TTN: variants seen among roughly 807,000 people sequenced by gnomAD.
The protein encoded by TTN is connectin.
Under a neutral mutation model 3,223.0 loss-of-function variants are expected in TTN, and 1,525 were observed. The observed-to-expected ratio is 0.47, with a 90% CI of 0.45 to 0.49. The LOEUF (loss-of-function observed/expected upper bound fraction) is 0.49. Ranked by LOEUF, TTN falls within the 20% of genes least tolerant of loss-of-function variation. The pLI is 0.00. For missense variants in TTN, 40,786 were observed against 43,424.0 expected (o/e 0.94, Z 5.40); for synonymous variants, 14,094 against 15,161.0 (o/e 0.93, Z 5.17).
rs1560793812 is a variant in TTN at position 178,731,029 on chromosome 2, A to T, written c.17636T>A (p.Ile5879Lys). The stretch of plus-strand genomic sequence containing the variant: ...CTTTTCTGTAGAAATAATCTTCAGT[A>T]TTGAGACTGTATCAGTGACACTGAT... The part of the protein sequence containing the change: ...YKISVTDTVS[I>K]LKIISTEKKD... The change falls in exon 60 of 363, where the codon ATA becomes AAA. Residue 5879 changes from isoleucine to lysine, a missense_variant. Transcript: ENST00000589042. The T allele has an allele frequency of 6.2e-7, 1 of 1,613,662 alleles. No individual in the cohort carries two copies. Among genetic ancestry groups the T allele is most frequent in the South Asian group, 1.1e-5 (1 of 91,074 alleles).
chr2:178,694,958 C>A lies in TTN; in HGVS notation c.31271-52G>T, dbSNP rs576328576. ...TACTTTTAGAATTCCTATTAAAATT[C>A]TCTCTCTCTCTATCTCTCTCTCTCT... On this transcript the variant is annotated intron_variant, in intron 115 of 362. Transcript: ENST00000589042. The A allele has an allele frequency of 3.3e-5, 41 of 1,236,330 alleles. No homozygotes were observed. In the South Asian group the frequency reaches 4.0e-4, roughly 12 times the overall value. 76.6% of individuals were successfully genotyped at this position (1,236,330 alleles called of 1,614,324 possible). A position where few individuals can be genotyped will look rare whatever the true frequency, so the allele number is the denominator to read the frequency against.
chr2:178,615,898 G>T, intron 257 of TTN, 110 bp from the exon 258 acceptor site: 1 of 1,192,874 alleles, frequency 8.4e-7, no homozygotes. Context: ...TGAATGCTAG[G>T]GATTATTCTT....
Position 178,562,101 on chromosome 2 carries a change from C to G in TTN, c.84031G>C (p.Val28011Leu). 2 of 1,613,310 alleles carry G rather than the reference C, an allele frequency of 1.2e-6. No homozygotes were observed. Among genetic ancestry groups the G allele is most frequent in the South Asian group, 1.1e-5 (1 of 91,036 alleles). ...QTLKETTRVN[V>L]SSSKTVTSLS... ...GATGTTACAGTCTTTGAAGAAGAAA[C>G]ATTGACTCTAGTTGTCTCTTTAAGA... The change falls in exon 326 of 363, where the codon GTT (valine) becomes CTT (leucine). Residue 28011 changes from valine (V) to leucine (L), a missense_variant. Physicochemically the swap from Val to Leu is conservative, Grantham distance 32 (BLOSUM62 1). Coordinates refer to ENST00000589042, the MANE Select transcript of TTN (RefSeq NM_001267550.2).
At chr2:178,736,485 T>C (rs996175640) in intron 49 of TTN, among the ~76,000 whole-genome samples, 4 of 152,154 alleles carry the variant, frequency 2.6e-5, no homozygotes, top group Admixed American at 6.5e-5. Flanking sequence ...GATAAGAAGA[T>C]TGAAGTAGTT....
At chr2:178,646,104 TTATATATATATATATATATATATA>T (rs71023450) in intron 216 of TTN, 74 bp from the exon 217 acceptor site, 903 of 38,002 alleles carry the variant, frequency 0.024, 88 homozygotes, top group African/African-American at 0.068. Context: ...TTAATAGAAA[TTATATATATATATATATATATATA>T]TATATATATA....
In TTN at chr2:178,740,708, C is replaced by T. The variant is rs2082339506; in HGVS notation, c.12525G>A (p.Gln4175=). 6.2e-7 allele frequency: 1 copy of T among 1,613,708 alleles called. No individual in the cohort carries two copies. Among genetic ancestry groups the T allele is most frequent in the African/African-American group, 1.3e-5 (1 of 74,910 alleles). The change falls in exon 48 of 363, where the codon CAG becomes CAA. Residue 4175 remains glutamine (Q), a synonymous_variant. Coordinates refer to ENST00000589042, the MANE Select transcript of TTN (RefSeq NM_001267550.2). ...TTTTCTCGGTATCTGATAGAACTGC[C>T]TGTGTCTCAGGCTCTTCAGGCATTA... ...GILMPEEPET[Q]AVLSDTEKIF...
At chr2:178,719,044 T>G in intron 83 of TTN, 71 bp from the exon 84 acceptor site, 1 of 1,517,104 alleles carries the variant, frequency 6.6e-7, no homozygotes, top group South Asian at 1.4e-5. Context: ...TTTTGCTCCT[T>G]AAAAAAAGGG....
chr2:178,588,559 C>T lies in TTN; in HGVS notation c.63166G>A (p.Val21056Met). The T allele has an allele frequency of 2.0e-6, 3 of 1,531,484 alleles. No individual in the cohort carries two copies. The highest frequency in any genetic ancestry group is 1.7e-6 in the Non-Finnish European group (2 of 1,143,102). The allele number at this position is 1,531,484 out of a possible 1,614,324, so 94.9% of individuals were successfully genotyped here. A position where few individuals can be genotyped will look rare whatever the true frequency, so the allele number is the denominator to read the frequency against. ...IGEPSLPSRP[V>M]VAKDPIEPPG... ...CTACCTATGGGGTCTTTTGCCACCACCGGTCTTGAAGGCAAGCTTGGTTCT... is the reference window on the plus strand; with the variant it reads ...CTACCTATGGGGTCTTTTGCCACCATCGGTCTTGAAGGCAAGCTTGGTTCT... The change falls in exon 304 of 363, where the codon GTG (valine) becomes ATG (methionine). Residue 21056 changes from valine to methionine, a missense_variant. Physicochemically the swap from Val to Met is conservative, Grantham distance 21 (BLOSUM62 1). Transcript: ENST00000589042.
At position 178,547,504 on chromosome 2, in the gene TTN, T is replaced by G; in HGVS notation, c.94122A>C (p.Thr31374=). Residue 31374 remains threonine, a synonymous_variant, in exon 339 of 363, where the codon ACA becomes ACC. Transcript: ENST00000589042. ...CACGGAAAGAATATTCCATGTATTT[T>G]GTGAGATGAGTGACTTTAATTTGAG... ...KRTQIKVTHL[T]KYMEYSFRVS... The G allele has an allele frequency of 6.2e-7, 1 of 1,613,596 alleles. No individual in the cohort carries two copies. Among genetic ancestry groups the G allele is most frequent in the Non-Finnish European group, 8.5e-7 (1 of 1,179,726 alleles).
chr2:178,602,610 A>G lies in TTN; in HGVS notation c.54812-20T>C, dbSNP rs1669445349. On this transcript the variant is annotated intron_variant, in intron 282 of 362. Coordinates refer to ENST00000589042, the MANE Select transcript of TTN (RefSeq NM_001267550.2). ...GTGGAACTAATAACAAAAGAAAAAA[A>G]AAAGCTTCATCAGATTTTGAAGCTG... 7 of 1,464,532 alleles carry G rather than the reference A, an allele frequency of 4.8e-6. No individual in the cohort carries two copies. In the South Asian group the frequency reaches 1.0e-4, roughly 22 times the overall value. The allele number at this position is 1,464,532 out of a possible 1,614,324, so 90.7% of individuals were successfully genotyped here.
At chr2:178,764,325 T>A in intron 42 of TTN, 23 bp from the exon 43 acceptor site, 1 of 1,613,486 alleles carries the variant, frequency 6.2e-7, no homozygotes, top group Non-Finnish European at 8.5e-7. Context: ...ACCACAAGAT[T>A]TGTCATGATT....
In TTN at chr2:178,574,485, C is replaced by T; in HGVS notation, c.71647G>A (p.Gly23883Ser). 3 of 1,613,628 alleles carry T rather than the reference C, an allele frequency of 1.9e-6. No individual in the cohort carries two copies. Among genetic ancestry groups the T allele is most frequent in the Non-Finnish European group, 2.5e-6 (3 of 1,179,632 alleles). The change falls in exon 326 of 363, where the codon GGC becomes AGC. Residue 23883 changes from glycine to serine, a missense_variant. Transcript: ENST00000589042. ...AGTCCACTTGATTTGAAAATGTTGC[C>T]TGGTACTAAAGCTTTGCTCACAGTC... Reference protein sequence around the residue: ...WQTVSKALVPGNIFKSSGLTD... With the variant: ...WQTVSKALVPSNIFKSSGLTD...
chr2:178,728,262 A>G lies in TTN; in HGVS notation c.19562T>C (p.Ile6521Thr), dbSNP rs769180915. 6.2e-7 allele frequency: 1 copy of G among 1,613,316 alleles called. No individual in the cohort carries two copies. Among genetic ancestry groups the G allele is most frequent in the South Asian group, 1.1e-5 (1 of 91,060 alleles). The part of the protein sequence containing the change: ...SAQWFKDGKE[I>T]STSAKYRLVC... Reference sequence around the variant, plus strand: ...AAGTCTGTATTTTGCACTTGTAGATATTTCTTTTCCATCCTTAAACCACTG... The same window carrying G: ...AAGTCTGTATTTTGCACTTGTAGATGTTTCTTTTCCATCCTTAAACCACTG... The change falls in exon 67 of 363, where the codon ATA becomes ACA. Residue 6521 changes from isoleucine (I) to threonine (T), a missense_variant. Coordinates refer to ENST00000589042, the MANE Select transcript of TTN (RefSeq NM_001267550.2).
rs769598894 is a variant in TTN, at chr2:178,609,698, G to T, written c.51725C>A (p.Ala17242Asp). The T allele has an allele frequency of 1.3e-6, 2 of 1,596,202 alleles. No homozygotes were observed. The highest frequency in any genetic ancestry group is 2.3e-5 in the South Asian group (2 of 88,332). ...ACAAAACTTACCAATGGGATCTACAGCTTTGGTTGGAGGAGTAGCCCGAGA... is the reference window on the plus strand; with the variant it reads ...ACAAAACTTACCAATGGGATCTACATCTTTGGTTGGAGGAGTAGCCCGAGA... ...EPSRATPPTK[A>D]VDPIDAPKVI... Residue 17242 changes from alanine (A) to aspartate (D), a missense_variant, in exon 272 of 363, where the codon GCT (alanine) becomes GAT (aspartate). By Grantham distance (126) the Ala-to-Asp change is moderately radical. Transcript: ENST00000589042.
Position 178,635,683 on chromosome 2 carries a change from G to A in TTN, c.41641C>T (p.Arg13881Ter), listed in dbSNP as rs747469275. 4 of 1,601,422 alleles carry A rather than the reference G, an allele frequency of 2.5e-6. No individual in the cohort carries two copies. The highest frequency in any genetic ancestry group is 2.7e-5 in the African/African-American group (2 of 74,676). The change falls in exon 227 of 363, where the codon CGA (arginine) becomes TGA (stop). Residue 13881 changes from arginine to a stop codon, truncating the protein, a stop_gained. Transcript: ENST00000589042. LOFTEE classifies it high-confidence loss of function. ...CCCTTGGGTTTCACATGCTGGTCTC[G>A]TATAGGTTTCACCAGCCAATCTCTA... ...VIRDWLVKPI[R>*]DQHVKPKGTA...
At chr2:178,690,625 A>G (rs1338908497) in intron 121 of TTN, among the ~76,000 whole-genome samples, 1 of 152,166 alleles carries the variant, frequency 6.6e-6, no homozygotes, top group Non-Finnish European at 1.5e-5. Context: ...TGGAAGATGA[A>G]TTTTAACAGC....
At chr2:178,703,911 A>G (rs1378065545) in intron 106 of TTN, among the ~76,000 whole-genome samples, 2 of 152,242 alleles carry the variant, frequency 1.3e-5, no homozygotes, top group Non-Finnish European at 2.9e-5. Flanking sequence ...GTTAAAGATT[A>G]TGTCTTAGAC....
intron 47 of TTN, chr2:178,742,804 C>T (rs2154320330): frequency 6.6e-6 from 1 of 152,138 alleles, no homozygotes; most frequent in East Asian, 1.9e-4. Flanking sequence ...TAGCAAAAGG[C>T]AGTTTTATGA....
At chr2:178,579,458 T>A in intron 319 of TTN, 65 bp from the exon 320 acceptor site, 3 of 1,567,238 alleles carry the variant, frequency 1.9e-6, no homozygotes, top group Non-Finnish European at 2.6e-6. Flanking sequence ...TTTCAAATAG[T>A]TCTAGCTTTT....
Sources: gnomAD v4.1 joint callset for allele counts (sites outside exome capture counted in the v4.1 genomes callset) on GRCh38, gnomAD v4.1.1 for gene constraint, MANE v1.5 for transcripts, NCBI Gene and HGNC (gene_info 2026-07-23, HGNC 2026-07-21) for gene names.